ERBB4: variants seen among roughly 807,000 people sequenced by gnomAD.
The protein encoded by ERBB4 is erb-b2 receptor tyrosine kinase 4, also known as receptor tyrosine-protein kinase erbB-4.
ERBB4 carries 42 observed loss-of-function variants against 158.0 expected under a neutral mutation model. That is an observed-to-expected ratio of 0.27 (90% CI 0.21 to 0.34). The LOEUF is 0.34. Ranked by LOEUF, ERBB4 falls within the 10% of genes least tolerant of loss-of-function variation. The probability of loss-of-function intolerance (pLI) is 1.00; values close to 1 mark genes in which losing one functional copy is unlikely to be tolerated. For missense variants in ERBB4, 1,333 were observed against 1,624.1 expected (o/e 0.82, Z 3.08); for synonymous variants, 583 against 558.7 (o/e 1.04, Z -0.61).
intron 2 of ERBB4, among the ~76,000 whole-genome samples, chr2:212,063,212 T>C (rs2077833608): frequency 6.6e-6 from 1 of 152,266 alleles, no homozygotes. Flanking sequence ...AATAAAATGA[T>C]CTAACAATAA....
At chr2:212,301,897 A>T (rs553274655) in intron 1 of ERBB4, among the ~76,000 whole-genome samples, 11 of 151,496 alleles carry the variant, frequency 7.3e-5, no homozygotes, top group Non-Finnish European at 1.5e-4. Flanking sequence ...TTGAAAATCC[A>T]CATACAACTT....
chr2:212,146,546 G>T (rs985687051), intron 1 of ERBB4, among the ~76,000 whole-genome samples: 1 of 152,116 alleles, frequency 6.6e-6, no homozygotes, highest in Non-Finnish European at 1.5e-5. Flanking sequence ...GTCGCCTGGG[G>T]ATCTAACTTG....
chr2:212,219,462 A>C (rs2083218152), intron 1 of ERBB4, among the ~76,000 whole-genome samples: 1 of 151,458 alleles, frequency 6.6e-6, no homozygotes, highest in African/African-American at 2.4e-5. Flanking sequence ...AAAAATAATA[A>C]GATTTTTAAA....
intron 1 of ERBB4, among the ~76,000 whole-genome samples, chr2:212,358,696 ACTAT>A (rs912767266): frequency 2.0e-5 from 3 of 151,766 alleles, no homozygotes; most frequent in African/African-American, 7.3e-5. Context: ...CGAATACTTA[ACTAT>A]CTAACATCAC....
At chr2:211,711,909 G>A in intron 9 of ERBB4, 141 bp downstream of exon 9, 2 of 702,954 alleles carry the variant, frequency 2.8e-6, no homozygotes, top group Non-Finnish European at 4.9e-6. Context: ...GTGAAATCAG[G>A]CCCCTGCTTT....
chr2:212,379,520 G>T (rs1001968636), intron 1 of ERBB4, among the ~76,000 whole-genome samples: 1 of 151,548 alleles, frequency 6.6e-6, no homozygotes, highest in Non-Finnish European at 1.5e-5. Context: ...TGTCTAATCA[G>T]GAATGATCAC....
intron 1 of ERBB4, among the ~76,000 whole-genome samples, chr2:212,336,837 T>C (rs2088465242): frequency 1.3e-4 from 1 of 7,858 alleles, no homozygotes; most frequent in South Asian, 4.5e-3. Context: ...TGTAAAGCAA[T>C]GTCTCCAAGC....
chr2:211,495,027 G>T (rs1171208999), intron 20 of ERBB4, among the ~76,000 whole-genome samples: 1 of 151,896 alleles, frequency 6.6e-6, no homozygotes, highest in Non-Finnish European at 1.5e-5. Flanking sequence ...CTAAATTCTT[G>T]AATAAAAGAA....
At chr2:211,951,087 T>C (rs866312539) in intron 2 of ERBB4, among the ~76,000 whole-genome samples, 5 of 152,060 alleles carry the variant, frequency 3.3e-5, no homozygotes, top group African/African-American at 1.2e-4. Flanking sequence ...TGATGGAGGG[T>C]GTATTATGAC....
chr2:212,045,738 AC>A (rs2077245713), intron 2 of ERBB4, among the ~76,000 whole-genome samples: 1 of 152,160 alleles, frequency 6.6e-6, no homozygotes, highest in African/African-American at 2.4e-5. Flanking sequence ...AGATGAACAA[AC>A]CGCTACTGTG....
chr2:211,864,798 G>A lies in ERBB4; in HGVS notation c.422-76639C>T, dbSNP rs1439557673. On this transcript the variant is annotated intron_variant, in intron 3 of 27. Transcript: ENST00000342788. ...CTGGGCAACATGGTAAAACCCCGTC[G>A]CTACTAAAAATACAAAAATTAGCTG... is the stretch of plus-strand genomic sequence containing the variant. Among the ~76,000 whole-genome samples the A allele has an allele frequency of 2.0e-5, 3 of 151,874 alleles. No homozygotes were observed. The East Asian group carries it at 5.8e-4, about 29-fold the overall frequency.
Position 211,657,774 on chromosome 2 carries a change from G to T in ERBB4, c.1926C>A (p.Ser642=). 1 of 1,613,814 alleles carries T rather than the reference G, an allele frequency of 6.2e-7. No individual in the cohort carries two copies. Among genetic ancestry groups the T allele is most frequent in the Non-Finnish European group, 8.5e-7 (1 of 1,179,734 alleles). The change falls in exon 16 of 28, where the codon TCC becomes TCA. Residue 642 remains serine (S), a synonymous_variant. Transcript: ENST00000342788. ...DCIYYPWTGH[S]TLPQHARTPL... ...GTTACCTAGCATGTTGTGGTAAAGT[G>T]GAATGGCCCGTCCATGGGTAGTAAA... is the stretch of plus-strand genomic sequence containing the variant.
chr2:211,759,408 A>G (rs910354064), intron 4 of ERBB4, among the ~76,000 whole-genome samples: 8 of 152,134 alleles, frequency 5.3e-5, no homozygotes, highest in African/African-American at 1.7e-4. Context: ...TGTGCCTCAT[A>G]GTACATGCCA....
At position 212,124,953 on chromosome 2, in the gene ERBB4, T is replaced by C. The variant is rs752793370; in HGVS notation, c.83-50A>G. 8 of 1,587,748 alleles carry C rather than the reference T, an allele frequency of 5.0e-6. No homozygotes were observed. In the East Asian group the frequency reaches 6.7e-5, roughly 13 times the overall value. Reference sequence around the variant, plus strand: ...GAAATTACATAACCTTTATATGATATGCGCAATGATAATATCTTTCTCAAA... The same window carrying C: ...GAAATTACATAACCTTTATATGATACGCGCAATGATAATATCTTTCTCAAA... On this transcript the variant is annotated intron_variant, in intron 1 of 27. Transcript: ENST00000342788.
intron 14 of ERBB4, among the ~76,000 whole-genome samples, chr2:211,670,950 G>C (rs1188825842): frequency 6.6e-6 from 1 of 152,112 alleles, no homozygotes; most frequent in Non-Finnish European, 1.5e-5. Context: ...GTGAAGGTTA[G>C]ACTTTGCTAC....
At chr2:212,111,009 G>A (rs1275997190) in intron 2 of ERBB4, among the ~76,000 whole-genome samples, 1 of 152,136 alleles carries the variant, frequency 6.6e-6, no homozygotes, top group Non-Finnish European at 1.5e-5. Flanking sequence ...CCTTACTTGG[G>A]ATGCAAAGCA....
At position 211,429,614 on chromosome 2, in the gene ERBB4, T is replaced by C. The variant is rs1013241888; in HGVS notation, c.2644-1131A>G. Among the ~76,000 whole-genome samples the C allele has an allele frequency of 3.7e-4, 56 of 152,188 alleles. 1 individual carries two copies. The highest frequency in any genetic ancestry group is 1.3e-3 in the African/African-American group (54 of 41,450). ...ATGGAATAAAGATAAACACTTCTAC[T>C]TTGCAGTTGAAAGCTTAAAACTAAA... On this transcript the variant is annotated intron_variant, in intron 21 of 27. Coordinates refer to ENST00000342788, the MANE Select transcript of ERBB4 (RefSeq NM_005235.3).
At chr2:212,456,324 CTG>C (rs1688285854) in intron 1 of ERBB4, among the ~76,000 whole-genome samples, 1 of 152,014 alleles carries the variant, frequency 6.6e-6, no homozygotes, top group African/African-American at 2.4e-5. Flanking sequence ...TACAACAAAA[CTG>C]TATTTCAGTC....
chr2:212,509,661 T>C (rs1254293405), intron 1 of ERBB4, among the ~76,000 whole-genome samples: 1 of 152,042 alleles, frequency 6.6e-6, no homozygotes. Context: ...CAAATTTCAA[T>C]TCTGCCTCCT....
Sources: allele counts gnomAD v4.1 joint callset (sites outside exome capture counted in the v4.1 genomes callset), GRCh38; gene constraint gnomAD v4.1.1; transcripts MANE v1.5; gene names NCBI Gene and HGNC (gene_info 2026-07-23, HGNC 2026-07-21).